The following TMEM108 variants were observed in gnomAD, a reference collection of about 807,000 sequenced individuals.
The protein encoded by TMEM108 is cancer/testis antigen 124.
A neutral mutation model predicts 35.1 loss-of-function variants in TMEM108; 12 were observed. That is an observed-to-expected ratio of 0.34 (90% CI 0.22 to 0.55). The LOEUF (loss-of-function observed/expected upper bound fraction) is 0.55. Ranked by LOEUF, TMEM108 falls within the 20% of genes least tolerant of loss-of-function variation. The pLI is 0.89. For synonymous variants in TMEM108, 287 were observed against 308.6 expected (o/e 0.93, Z 0.73); for missense variants, 680 against 753.3 (o/e 0.90, Z 1.14).
chr3:133,322,604 T>C (rs986053669), intron 3 of TMEM108, among the ~76,000 whole-genome samples: 3 of 152,270 alleles, frequency 2.0e-5, no homozygotes, highest in Non-Finnish European at 2.9e-5. Flanking sequence ...AAAGGATTGA[T>C]AACAATCTTA....
chr3:133,274,391 T>C (rs934992452), intron 3 of TMEM108, among the ~76,000 whole-genome samples: 5 of 152,236 alleles, frequency 3.3e-5, no homozygotes, highest in Non-Finnish European at 7.3e-5. Context: ...CTTTCTCTTA[T>C]GATGGGAGAG....
intron 3 of TMEM108, among the ~76,000 whole-genome samples, chr3:133,371,630 A>C (rs1014111640): frequency 6.6e-6 from 1 of 151,158 alleles, no homozygotes; most frequent in South Asian, 2.1e-4. Context: ...AAAAAAAAAA[A>C]AAAAAAAAAC....
At chr3:133,292,526 C>T (rs749069680) in intron 3 of TMEM108, among the ~76,000 whole-genome samples, 55 of 152,242 alleles carry the variant, frequency 3.6e-4, no homozygotes, top group Non-Finnish European at 5.9e-4. Flanking sequence ...AAACAACATG[C>T]GTGGAACTTG....
chr3:133,146,191 A>T (rs1944717289), intron 2 of TMEM108, among the ~76,000 whole-genome samples: 1 of 152,144 alleles, frequency 6.6e-6, no homozygotes, highest in African/African-American at 2.4e-5. Context: ...GTTGAGTTTT[A>T]TTGAAGGCAT....
intron 2 of TMEM108, among the ~76,000 whole-genome samples, chr3:133,187,487 C>A (rs546466276): frequency 6.6e-6 from 1 of 152,150 alleles, no homozygotes; most frequent in Non-Finnish European, 1.5e-5. Flanking sequence ...TGGTGGCTCA[C>A]GCCTGTAGTC....
chr3:133,165,495 GAAAA>G (rs1405909139), intron 2 of TMEM108, among the ~76,000 whole-genome samples: 1 of 150,520 alleles, frequency 6.6e-6, no homozygotes, highest in East Asian at 1.9e-4. Flanking sequence ...GGTAAGTGGA[GAAAA>G]AAAAAGACTA....
intron 2 of TMEM108, among the ~76,000 whole-genome samples, chr3:133,073,510 C>CTCTCTCTCTCTCTCTCTCTCTATATA: frequency 1.6e-4 from 7 of 43,904 alleles, no homozygotes; most frequent in Admixed American, 7.0e-4. Flanking sequence ...CTCTCTCTCT[C>CTCTCTCTCTCTCTCTCTCTCTATATA]TATATATATA....
At chr3:133,067,807 G>C (rs1350106785) in intron 2 of TMEM108, among the ~76,000 whole-genome samples, 1 of 152,118 alleles carries the variant, frequency 6.6e-6, no homozygotes, top group Non-Finnish European at 1.5e-5. Flanking sequence ...TCTCAGTTTT[G>C]TGCTGCTGTA....
chr3:133,073,508 CTCTATATATA>C (rs1231758245), intron 2 of TMEM108, among the ~76,000 whole-genome samples: 2 of 68,984 alleles, frequency 2.9e-5, no homozygotes, highest in African/African-American at 1.4e-4. Context: ...CTCTCTCTCT[CTCTATATATA>C]TATATATATA....
At chr3:133,284,543 T>C (rs1946958818) in intron 3 of TMEM108, among the ~76,000 whole-genome samples, 1 of 152,190 alleles carries the variant, frequency 6.6e-6, no homozygotes, top group African/African-American at 2.4e-5. Context: ...TACCTTGTCC[T>C]CTTTGCATAG....
At chr3:133,181,544 C>A (rs1000878128) in intron 2 of TMEM108, among the ~76,000 whole-genome samples, 23 of 152,082 alleles carry the variant, frequency 1.5e-4, no homozygotes, top group Non-Finnish European at 3.1e-4. Flanking sequence ...CTAAGGTTTC[C>A]CTTCCCACAG....
chr3:133,050,705 T>C (rs1559816382), intron 2 of TMEM108, among the ~76,000 whole-genome samples: 1 of 147,148 alleles, frequency 6.8e-6, no homozygotes, highest in East Asian at 1.9e-4. Flanking sequence ...CAGAAACCAC[T>C]GATTTTTTTT....
At chr3:133,330,794 A>G (rs1285198835) in intron 3 of TMEM108, among the ~76,000 whole-genome samples, 1 of 152,218 alleles carries the variant, frequency 6.6e-6, no homozygotes, top group Non-Finnish European at 1.5e-5. Context: ...AACTAGTTAA[A>G]CAAATAACTT....
At chr3:133,183,361 A>G (rs1287196447) in intron 2 of TMEM108, among the ~76,000 whole-genome samples, 1 of 151,958 alleles carries the variant, frequency 6.6e-6, no homozygotes, top group Non-Finnish European at 1.5e-5. Flanking sequence ...TGGCCTTAGT[A>G]CTCCAGCGTA....
At chr3:133,119,874 C>A (rs533003874) in intron 2 of TMEM108, among the ~76,000 whole-genome samples, 19 of 152,252 alleles carry the variant, frequency 1.2e-4, no homozygotes, top group African/African-American at 4.3e-4. Context: ...TCTTGCATAT[C>A]ATCTGGTACA....
chr3:133,377,074 TCTC>T (rs1011131198), intron 3 of TMEM108, among the ~76,000 whole-genome samples: 6 of 152,196 alleles, frequency 3.9e-5, no homozygotes, highest in Non-Finnish European at 1.5e-5. Flanking sequence ...TGTGTCCTAA[TCTC>T]CTCTTCTTAA....
At chr3:133,230,606 T>C (rs1350556937) in intron 3 of TMEM108, among the ~76,000 whole-genome samples, 5 of 152,098 alleles carry the variant, frequency 3.3e-5, no homozygotes, top group African/African-American at 1.2e-4. Flanking sequence ...ATAAATAGGA[T>C]TTTACATACA....
intron 3 of TMEM108, among the ~76,000 whole-genome samples, chr3:133,291,527 C>G (rs1156475491): frequency 1.3e-5 from 2 of 152,126 alleles, no homozygotes; most frequent in African/African-American, 4.8e-5. Flanking sequence ...ATCCTCCCAC[C>G]TGGGGCTCCC....
At chr3:133,315,012 A>C (rs2670182) in intron 3 of TMEM108, among the ~76,000 whole-genome samples, 16,039 of 152,238 alleles carry the variant, frequency 0.11, 1,284 homozygotes, top group East Asian at 0.36. Flanking sequence ...AAAGTTACTT[A>C]ATCTTGTTTT....
Sources: allele counts gnomAD v4.1 joint callset (sites outside exome capture counted in the v4.1 genomes callset), GRCh38; gene constraint gnomAD v4.1.1; transcripts MANE v1.5; gene names NCBI Gene and HGNC (gene_info 2026-07-23, HGNC 2026-07-21).